CENPV: variants seen among roughly 807,000 people sequenced by gnomAD.
CENPV encodes centromere protein V, also known as nuclear protein p30.
Under a neutral mutation model 26.4 loss-of-function variants are expected in CENPV, and 15 were observed. That is an observed-to-expected ratio of 0.57 (90% CI 0.38 to 0.88). CENPV has a LOEUF of 0.88. CENPV is among the 40% of genes least tolerant of loss of function. The probability of loss-of-function intolerance (pLI) is 0.00; values close to 1 mark genes in which losing one functional copy is unlikely to be tolerated. For synonymous variants in CENPV, 172 were observed against 165.5 expected, an observed-to-expected ratio of 1.04 and a Z score of -0.30; for missense variants, 336 against 376.5, an observed-to-expected ratio of 0.89 and a Z score of 0.89.
intron 1 of CENPV, among the ~76,000 whole-genome samples, chr17:16,352,370 C>T (rs1022539392): frequency 3.3e-5 from 5 of 152,214 alleles, no homozygotes; most frequent in African/African-American, 1.2e-4. Context: ...GGGCGAGCGG[C>T]AGGGAGCATT....
chr17:16,344,950 T>G lies in CENPV; in HGVS notation c.580-239A>C, dbSNP rs1006626947. Among the ~76,000 whole-genome samples, 37 of 151,772 alleles carry G rather than the reference T, an allele frequency of 2.4e-4. 1 individual carries two copies. The highest frequency in any genetic ancestry group is 8.5e-4 in the African/African-American group (35 of 41,328). On this transcript the variant is annotated intron_variant, in intron 3 of 4. Transcript: ENST00000299736. ...CCATGCCCAGCTAATTTTTTGTATTTTTAGTACAGACAGGGTTTCACCATG... is the reference window on the plus strand; with the variant it reads ...CCATGCCCAGCTAATTTTTTGTATTGTTAGTACAGACAGGGTTTCACCATG...
In CENPV at chr17:16,353,199, G is replaced by A; in HGVS notation, c.238C>T (p.Pro80Ser). 2.9e-6 allele frequency: 4 copies of A among 1,370,968 alleles called. No individual in the cohort carries two copies. Among genetic ancestry groups the A allele is most frequent in the South Asian group, 1.7e-5 (1 of 58,118 alleles). 84.9% of individuals were successfully genotyped at this position (1,370,968 alleles called of 1,614,324 possible). A position where few individuals can be genotyped will look rare whatever the true frequency, so the allele number is the denominator to read the frequency against. The change falls in exon 1 of 5, where the codon CCG becomes TCG. Residue 80 changes from proline to serine, a missense_variant. This residue lies in a region of CENPV where 181 missense variants were observed against 148.8 expected (regional missense o/e 1.22). Transcript: ENST00000299736. ...GGCGGGAGCAACGCCAGCTCAGGCG[G>A]CGGCGGCTCCCCCGGGCCCTCCTCC... ...AQEEGPGEPP[P>S]PELALLPPPP...
intron 2 of CENPV, chr17:16,349,285 T>C (rs2093219952): frequency 2.0e-6 from 2 of 986,406 alleles, no homozygotes; most frequent in Non-Finnish European, 2.4e-6. Flanking sequence ...AGTTCTCCAT[T>C]TGAGTAATTC....
chr17:16,353,179 G>C lies in CENPV; in HGVS notation c.258C>G (p.Leu86=). Residue 86 remains leucine, a synonymous_variant, in exon 1 of 5, where the codon CTC becomes CTG. Coordinates refer to ENST00000299736, the MANE Select transcript of CENPV (RefSeq NM_181716.3). ...TCGGCGGCGGCGGCGGCGGTGGCGGGAGCAACGCCAGCTCAGGCGGCGGCG... is the reference window on the plus strand; with the variant it reads ...TCGGCGGCGGCGGCGGCGGTGGCGGCAGCAACGCCAGCTCAGGCGGCGGCG... ...GEPPPPELAL[L]PPPPPPPPTP... 7.1e-7 allele frequency: 1 copy of C among 1,411,774 alleles called. No individual in the cohort carries two copies. Among genetic ancestry groups the C allele is most frequent in the Non-Finnish European group, 9.2e-7 (1 of 1,087,064 alleles). 87.5% of individuals were successfully genotyped at this position (1,411,774 alleles called of 1,614,324 possible).
Position 16,344,686 on chromosome 17 carries a change from G to A in CENPV, c.605C>T (p.Thr202Met), listed in dbSNP as rs747169529. The change falls in exon 4 of 5, where the codon ACG becomes ATG. Residue 202 changes from threonine to methionine, a missense_variant. Thr to Met is a moderately conservative substitution (Grantham distance 81, BLOSUM62 -1). Coordinates refer to ENST00000299736, the MANE Select transcript of CENPV (RefSeq NM_181716.3). ...LKGAEHITTY[T>M]FNTHKAQHTF... ...ATGCTGGGCTTTGTGAGTATTGAACGTGTAAGTCGTTATGTGCTCAGCTCC... is the reference window on the plus strand; with the variant it reads ...ATGCTGGGCTTTGTGAGTATTGAACATGTAAGTCGTTATGTGCTCAGCTCC... 5 of 1,595,346 alleles carry A rather than the reference G, an allele frequency of 3.1e-6. No individual in the cohort carries two copies. The South Asian group carries it at 3.4e-5, about 11-fold the overall frequency.
At position 16,342,744 on chromosome 17, in the gene CENPV, C is replaced by T. The variant is rs116070540; in HGVS notation, c.*73G>A. On this transcript the variant is annotated 3_prime_UTR_variant, in exon 5 of 5. Coordinates refer to ENST00000299736, the MANE Select transcript of CENPV (RefSeq NM_181716.3). ...AGGTCAGCCACATTCAGGAGCACCA[C>T]CGAGGCACGGCAGGGAGAGCAAAGT... 3.1e-6 allele frequency: 5 copies of T among 1,593,918 alleles called. No homozygotes were observed. The highest frequency in any genetic ancestry group is 2.2e-5 in the South Asian group (2 of 90,126).
At chr17:16,344,440 T>C (rs2142896482) in intron 4 of CENPV, 157 bp downstream of exon 4, 2 of 396,846 alleles carry the variant, frequency 5.0e-6, no homozygotes, top group East Asian at 7.6e-5. Flanking sequence ...TCACATTCTA[T>C]CATGTGGAAA....
rs138740941 is a variant in CENPV, at chr17:16,343,041, G to A, written c.695-100C>T. 4.0e-5 allele frequency: 54 copies of A among 1,352,902 alleles called. No individual in the cohort carries two copies. In the South Asian group the frequency reaches 5.3e-4, roughly 13 times the overall value. 83.8% of individuals were successfully genotyped at this position (1,352,902 alleles called of 1,614,324 possible). Reference sequence around the variant, plus strand: ...AGCCCCCACCTGCAGGCATCATCACGCTACACATTAGGGCTTCCAAAGGAT... The same window carrying A: ...AGCCCCCACCTGCAGGCATCATCACACTACACATTAGGGCTTCCAAAGGAT... On this transcript the variant is annotated intron_variant, in intron 4 of 4. Transcript: ENST00000299736.
Position 16,353,335 on chromosome 17 carries a change from G to T in CENPV, c.102C>A (p.Pro34=). 7.3e-7 allele frequency: 1 copy of T among 1,369,936 alleles called. No individual in the cohort carries two copies. Among genetic ancestry groups the T allele is most frequent in the South Asian group, 1.6e-5 (1 of 62,550 alleles). The allele number at this position is 1,369,936 out of a possible 1,614,324, so 84.9% of individuals were successfully genotyped here. A position where few individuals can be genotyped will look rare whatever the true frequency, so the allele number is the denominator to read the frequency against. ...PAASAAAALA[P]SATRTRRSAS... is the part of the protein sequence containing the mutation. Reference sequence around the variant, plus strand: ...CGGAGCGCCGTGTGCGGGTGGCGCTGGGTGCCAAGGCAGCGGCCGCGGAGG... The same window carrying T: ...CGGAGCGCCGTGTGCGGGTGGCGCTTGGTGCCAAGGCAGCGGCCGCGGAGG... Residue 34 remains proline, a synonymous_variant, in exon 1 of 5, where the codon CCC becomes CCA. Transcript: ENST00000299736.
At chr17:16,348,371 G>A in intron 3 of CENPV, 1 of 854,966 alleles carries the variant, frequency 1.2e-6, no homozygotes, top group East Asian at 4.3e-5. Context: ...TGGCCAGGCT[G>A]GTCCTCAACT....
In CENPV at chr17:16,353,115, G is replaced by C; in HGVS notation, c.322C>G (p.Leu108Val). The C allele has an allele frequency of 6.5e-7, 1 of 1,542,798 alleles. No homozygotes were observed. Among genetic ancestry groups the C allele is most frequent in the Non-Finnish European group, 8.7e-7 (1 of 1,147,228 alleles). Residue 108 changes from leucine (L) to valine (V), a missense_variant, in exon 1 of 5, where the codon CTG becomes GTG. Transcript: ENST00000299736. ...TPTSSASNLD[L>V]GEQRERWETF... ...TCCCAGCGCTCCCGCTGCTCGCCCA[G>C]GTCCAGGTTGGACGCCGAGGACGTC...
At chr17:16,349,711 C>T in intron 2 of CENPV, 2 of 1,319,374 alleles carry the variant, frequency 1.5e-6, no homozygotes, top group Non-Finnish European at 1.9e-6. Flanking sequence ...GAGGACCCTG[C>T]TCTGTGTCAC....
intron 3 of CENPV, chr17:16,348,313 C>T (rs576665713): frequency 8.8e-6 from 3 of 340,488 alleles, no homozygotes; most frequent in East Asian, 7.8e-5. Flanking sequence ...TGCACTACAA[C>T]GCCCAGCTAA....
intron 3 of CENPV, among the ~76,000 whole-genome samples, chr17:16,344,970 A>C (rs1436870082): frequency 1.3e-5 from 2 of 151,638 alleles, no homozygotes; most frequent in Non-Finnish European, 2.9e-5. Flanking sequence ...ACAGGGTTTC[A>C]CCATGTTGGC....
At chr17:16,346,748 C>CA (rs1370954647) in intron 3 of CENPV, among the ~76,000 whole-genome samples, 2 of 147,376 alleles carry the variant, frequency 1.4e-5, no homozygotes, top group East Asian at 2.0e-4. Flanking sequence ...GAGACTGTCT[C>CA]AAAAAAAAAG....
chr17:16,353,241 A>G lies in CENPV; in HGVS notation c.196T>C (p.Ser66Pro). Residue 66 changes from serine (S) to proline (P), a missense_variant, in exon 1 of 5, where the codon TCG (serine) becomes CCG (proline). By Grantham distance (74) the Ser-to-Pro change is moderately conservative (BLOSUM62 -1). This residue lies in a region of CENPV where 181 missense variants were observed against 148.8 expected (regional missense o/e 1.22). Coordinates refer to ENST00000299736, the MANE Select transcript of CENPV (RefSeq NM_181716.3). Reference protein sequence around the residue: ...PPSEKPRLRRSSPRAQEEGPG... With the variant: ...PPSEKPRLRRPSPRAQEEGPG... ...CCCTCCTCCTGGGCCCGCGGCGACG[A>G]GCGCCTCAGCCGCGGCTTCTCCGAC... 5.0e-6 allele frequency: 7 copies of G among 1,402,106 alleles called. No individual in the cohort carries two copies. Among genetic ancestry groups the G allele is most frequent in the Non-Finnish European group, 6.5e-6 (7 of 1,079,670 alleles). The allele number at this position is 1,402,106 out of a possible 1,614,324, so 86.9% of individuals were successfully genotyped here.
chr17:16,345,872 GT>G (rs569389195), intron 3 of CENPV, among the ~76,000 whole-genome samples: 3 of 152,164 alleles, frequency 2.0e-5, no homozygotes, highest in Non-Finnish European at 4.4e-5. Context: ...ACTGATGGCT[GT>G]GCTTAATTTA....
chr17:16,345,405 CA>C (rs1216700050), intron 3 of CENPV, among the ~76,000 whole-genome samples: 2 of 144,706 alleles, frequency 1.4e-5, no homozygotes, highest in African/African-American at 2.9e-5. Context: ...CCTGTTTCTA[CA>C]AAAAAATATA....
chr17:16,349,180 C>T, intron 2 of CENPV: 2 of 989,508 alleles, frequency 2.0e-6, no homozygotes, highest in Non-Finnish European at 2.4e-6. Context: ...TTTCAGGCCA[C>T]CTTTGAAAAA....
Sources: allele counts gnomAD v4.1 joint callset (sites outside exome capture counted in the v4.1 genomes callset), GRCh38; gene constraint gnomAD v4.1.1; regional missense constraint gnomAD v4.1.1; transcripts MANE v1.5; gene names NCBI Gene and HGNC (gene_info 2026-07-23, HGNC 2026-07-21).